SMS: variants seen among roughly 807,000 people sequenced by gnomAD.
SMS encodes the protein spermine synthase, also known as spermidine aminopropyltransferase.
Under a neutral mutation model 33.0 loss-of-function variants are expected in SMS, and 3 were observed. The observed-to-expected ratio is 0.09, with a 90% CI of 0.04 to 0.23. SMS has a LOEUF of 0.23. Ranked by LOEUF, SMS falls within the 10% of genes least tolerant of loss-of-function variation. The pLI is 1.00. For missense variants in SMS, 117 were observed against 288.6 expected (o/e 0.41, Z 4.31); for synonymous variants, 103 against 112.2 (o/e 0.92, Z 0.52).
At chrX:21,954,897 C>CGTG (rs1922871747) in intron 1 of SMS, among the ~76,000 whole-genome samples, 1 of 110,713 alleles carries the variant, frequency 9.0e-6, no homozygotes, top group South Asian at 3.8e-4. Context: ...AGTGCAGTGG[C>CGTG]GTGATCTTGG....
At chrX:21,942,915 C>A (rs1462452403) in intron 1 of SMS, among the ~76,000 whole-genome samples, 1 of 105,667 alleles carries the variant, frequency 9.5e-6, no homozygotes, top group African/African-American at 3.5e-5. Flanking sequence ...TCTCGGCTCA[C>A]TGCAACTTCC....
chrX:21,946,804 A>G (rs1168041256), intron 1 of SMS, among the ~76,000 whole-genome samples: 4 of 112,151 alleles, frequency 3.6e-5, no homozygotes. Context: ...TTAAATTCAT[A>G]CTAGACCATT....
chrX:21,993,577 C>T (rs770531932), intron 10 of SMS, among the ~76,000 whole-genome samples: 5 of 111,949 alleles, frequency 4.5e-5, no homozygotes, highest in African/African-American at 1.3e-4. Context: ...TGGGGCAGAG[C>T]CCGACGGGGC....
At chrX:21,953,243 A>G (rs1922737572) in intron 1 of SMS, among the ~76,000 whole-genome samples, 1 of 108,216 alleles carries the variant, frequency 9.2e-6, no homozygotes, top group Admixed American at 1.0e-4. Context: ...TTAACATTCA[A>G]AGGACTGAGC....
In SMS at chrX:21,989,828, T is replaced by G. The variant is rs184827181; in HGVS notation, c.946-2769T>G. On this transcript the variant is annotated intron_variant, in intron 9 of 10. Coordinates refer to ENST00000404933, the MANE Select transcript of SMS (RefSeq NM_004595.5). ...CTTGATCACTGCTCACTGCAACCTT[T>G]GCCTCCCGGGTTCAAGCACCTCTCC... 1.2e-4 allele frequency among the ~76,000 whole-genome samples: 13 copies of G among 111,112 alleles called. No individual in the cohort carries two copies. In the East Asian group the frequency reaches 3.1e-3, roughly 26 times the overall value.
At chrX:21,977,372 T>TA in intron 5 of SMS, 136 bp downstream of exon 5, 1 of 592,703 alleles carries the variant, frequency 1.7e-6, no homozygotes, top group Non-Finnish European at 3.0e-6. Flanking sequence ...GATGCACATT[T>TA]ATGTCATATT....
intron 1 of SMS, among the ~76,000 whole-genome samples, chrX:21,957,298 T>C (rs889266915): frequency 1.8e-5 from 2 of 110,647 alleles, no homozygotes; most frequent in Non-Finnish European, 3.8e-5. Flanking sequence ...TCCATTTTTA[T>C]TTTATTTATT....
At position 21,993,410 on chromosome X, in the gene SMS, T is replaced by C. The variant is rs188146791; in HGVS notation, c.1061+698T>C. Among the ~76,000 whole-genome samples the C allele has an allele frequency of 4.4e-5, 5 of 112,539 alleles. No homozygotes were observed. The East Asian group carries it at 1.4e-3, about 31-fold the overall frequency. On this transcript the variant is annotated intron_variant, in intron 10 of 10. Coordinates refer to ENST00000404933, the MANE Select transcript of SMS (RefSeq NM_004595.5). Reference sequence around the variant, plus strand: ...GAAAAAAGGAAATGAGCATTATCATTGGAAATTTGTGCCGCAACACAGCTG... The same window carrying C: ...GAAAAAAGGAAATGAGCATTATCATCGGAAATTTGTGCCGCAACACAGCTG...
intron 1 of SMS, among the ~76,000 whole-genome samples, chrX:21,942,829 C>CTTTTTT (rs772851812): frequency 1.2e-5 from 1 of 81,888 alleles, no homozygotes; most frequent in African/African-American, 5.2e-5. Flanking sequence ...ATTTTCTTAA[C>CTTTTTT]TTTTTTTTTT....
At chrX:21,975,011 C>T (rs1362605057) in intron 4 of SMS, among the ~76,000 whole-genome samples, 4 of 110,888 alleles carry the variant, frequency 3.6e-5, no homozygotes. Context: ...ATGGGATGTA[C>T]TTGAATTTAT....
At chrX:21,983,473 A>G (rs1925119337) in intron 7 of SMS, among the ~76,000 whole-genome samples, 1 of 111,167 alleles carries the variant, frequency 9.0e-6, no homozygotes, top group South Asian at 3.8e-4. Context: ...GCTTAGATCC[A>G]GATGTGTCCC....
At chrX:21,959,578 T>C (rs1483452488) in intron 1 of SMS, among the ~76,000 whole-genome samples, 1 of 112,636 alleles carries the variant, frequency 8.9e-6, no homozygotes, top group African/African-American at 3.2e-5. Flanking sequence ...GTTCTGAGTT[T>C]TGACCAATGC....
chrX:21,950,658 C>T (rs1922546256), intron 1 of SMS, among the ~76,000 whole-genome samples: 1 of 108,238 alleles, frequency 9.2e-6, no homozygotes, highest in East Asian at 2.9e-4. Flanking sequence ...CATGTGTTCT[C>T]ATTGTTGGGC....
intron 1 of SMS, among the ~76,000 whole-genome samples, chrX:21,965,778 A>G (rs776994957): frequency 1.8e-5 from 2 of 108,709 alleles, no homozygotes; most frequent in East Asian, 2.8e-4. Flanking sequence ...AAAATAATAA[A>G]TAAATAAAAA....
chrX:21,984,468 C>G (rs1478604733), intron 8 of SMS, 50 bp downstream of exon 8: 3 of 792,843 alleles, frequency 3.8e-6, no homozygotes, highest in Non-Finnish European at 5.8e-6. Context: ...TCTCTTGGCA[C>G]CATGTGAGGG....
At position 21,993,908 on chromosome X, in the gene SMS, T is replaced by C. The variant is rs371595929; in HGVS notation, c.1062-404T>C. 2.7e-4 allele frequency among the ~76,000 whole-genome samples: 29 copies of C among 107,627 alleles called. No homozygotes were observed. The East Asian group carries it at 6.7e-3, about 25-fold the overall frequency. The allele number at this position is 107,627 out of a possible 115,157, so 93.5% of individuals were successfully genotyped here. On this transcript the variant is annotated intron_variant, in intron 10 of 10. Coordinates refer to ENST00000404933, the MANE Select transcript of SMS (RefSeq NM_004595.5). ...GACCTTTTTTCCCTCTCCTCCTCCTTCCCTCTCCTCCTCCTGCCCTCTCTT... is the reference window on the plus strand; with the variant it reads ...GACCTTTTTTCCCTCTCCTCCTCCTCCCCTCTCCTCCTCCTGCCCTCTCTT...
chrX:21,953,338 A>G (rs1303345744), intron 1 of SMS, among the ~76,000 whole-genome samples: 1 of 111,181 alleles, frequency 9.0e-6, no homozygotes, highest in Non-Finnish European at 1.9e-5. Context: ...TACAGAAGCA[A>G]GAAACAAAGA....
At chrX:21,992,249 C>T (rs899438718) in intron 9 of SMS, among the ~76,000 whole-genome samples, 3 of 111,906 alleles carry the variant, frequency 2.7e-5, no homozygotes, top group Non-Finnish European at 3.8e-5. Context: ...TAATGGTGAC[C>T]GTTATTGAGA....
At chrX:21,990,029 G>A (rs779484326) in intron 9 of SMS, among the ~76,000 whole-genome samples, 35 of 111,763 alleles carry the variant, frequency 3.1e-4, no homozygotes, top group South Asian at 2.6e-3. Flanking sequence ...GATGTGAGCC[G>A]CCACACCTGG....
Sources: gnomAD v4.1 joint callset for allele counts (sites outside exome capture counted in the v4.1 genomes callset) on GRCh38, gnomAD v4.1.1 for gene constraint, MANE v1.5 for transcripts, NCBI Gene and HGNC (gene_info 2026-07-23, HGNC 2026-07-21) for gene names.